AOPEP: variants seen among roughly 807,000 people sequenced by gnomAD.
The protein encoded by AOPEP is aminopeptidase O.
A neutral mutation model predicts 98.1 loss-of-function variants in AOPEP; 77 were observed. The ratio of observed to expected loss-of-function variants is 0.78; its 90% confidence interval spans 0.65 to 0.95. The LOEUF is 0.95. Ranked by LOEUF, AOPEP falls within the 40% of genes least tolerant of loss-of-function variation. AOPEP has a pLI of 0.00. For missense variants in AOPEP, 1,024 were observed against 1,024.7 expected (o/e 1.00, Z 0.01); for synonymous variants, 346 against 365.3 (o/e 0.95, Z 0.60).
intron 13 of AOPEP, chr9:95,006,143 C>T (rs985878104): frequency 2.1e-6 from 1 of 468,854 alleles, no homozygotes; most frequent in Non-Finnish European, 4.4e-6. Context: ...TGTTACTTTG[C>T]AGAAGTTTGG....
At chr9:94,928,719 A>G (rs2054781984) in intron 7 of AOPEP, 188 bp downstream of exon 7, 1 of 525,430 alleles carries the variant, frequency 1.9e-6, no homozygotes, top group African/African-American at 2.0e-5. Flanking sequence ...GCCTTCCGTC[A>G]TTTTCCTGGT....
chr9:95,040,663 C>T (rs1308548518), intron 13 of AOPEP, among the ~76,000 whole-genome samples: 1 of 152,228 alleles, frequency 6.6e-6, no homozygotes, highest in Non-Finnish European at 1.5e-5. Context: ...ACGCCTATTG[C>T]TGATGGGCAT....
At position 95,005,544 on chromosome 9, in the gene AOPEP, C is replaced by G. The variant is rs765490685; in HGVS notation, c.2043C>G (p.Val681=). The G allele has an allele frequency of 6.2e-7, 1 of 1,613,764 alleles. No homozygotes were observed. The change falls in exon 13 of 17, where the codon GTC becomes GTG. Residue 681 remains valine (V), a splice_region_variant and synonymous_variant. Coordinates refer to ENST00000375315, the MANE Select transcript of AOPEP (RefSeq NM_001193329.3). The part of the protein sequence containing the change: ...CGLARQVRAE[V]TKWIGVNRRP... ...ATGCTGTGGTTTTTGAACCTCAGGT[C>G]ACGAAATGGATTGGAGTGAACCGGA...
At chr9:95,030,401 C>T (rs1175942860) in intron 13 of AOPEP, among the ~76,000 whole-genome samples, 2 of 152,142 alleles carry the variant, frequency 1.3e-5, no homozygotes, top group African/African-American at 2.4e-5. Flanking sequence ...ATGTACATTT[C>T]ATAAAAAGCA....
chr9:95,127,962 G>A, the AOPEP span, among the ~76,000 whole-genome samples: 1 of 152,214 alleles, frequency 6.6e-6, no homozygotes, highest in Non-Finnish European at 1.5e-5. Flanking sequence ...AATAATCTAT[G>A]CTCCCTCATC....
intron 10 of AOPEP, among the ~76,000 whole-genome samples, chr9:94,969,176 G>A (rs963185510): frequency 1.3e-5 from 2 of 151,932 alleles, no homozygotes; most frequent in Non-Finnish European, 2.9e-5. Flanking sequence ...GATGGAATTA[G>A]GCCCATCTGG....
At chr9:94,810,642 G>A (rs762596663) in intron 5 of AOPEP, among the ~76,000 whole-genome samples, 1 of 151,944 alleles carries the variant, frequency 6.6e-6, no homozygotes, top group Non-Finnish European at 1.5e-5. Context: ...TTTCAACAAG[G>A]CATGGGGGTG....
At chr9:94,988,871 A>T (rs2060683860) in intron 11 of AOPEP, among the ~76,000 whole-genome samples, 1 of 151,356 alleles carries the variant, frequency 6.6e-6, no homozygotes, top group South Asian at 2.1e-4. Flanking sequence ...ATTATCTCAT[A>T]TTCTGAAATA....
At position 94,757,709 on chromosome 9, in the gene AOPEP, C is replaced by T. The variant is rs111408919; in HGVS notation, c.-135-1940C>T. Among the ~76,000 whole-genome samples the T allele has an allele frequency of 2.6e-3, 391 of 152,268 alleles. 3 individuals carry two copies. In the Middle Eastern group the frequency reaches 0.031, roughly 12 times the overall value. On this transcript the variant is annotated intron_variant, in intron 1 of 16. Transcript: ENST00000375315. The stretch of plus-strand genomic sequence containing the variant: ...ATAGTTTAGCCAGCCACTAAATTGA[C>T]CCTTGTCTCAGCTGATGCTGGTTTT...
At chr9:94,783,668 A>G (rs1843769336) in intron 3 of AOPEP, among the ~76,000 whole-genome samples, 1 of 152,080 alleles carries the variant, frequency 6.6e-6, no homozygotes, top group African/African-American at 2.4e-5. Context: ...TGAATGTATT[A>G]TATTTATTGT....
intron 2 of AOPEP, among the ~76,000 whole-genome samples, chr9:94,761,643 A>G (rs1365408019): frequency 1.3e-5 from 2 of 152,144 alleles, no homozygotes; most frequent in African/African-American, 2.4e-5. Context: ...AGCTCTAATT[A>G]TTCATTCCTT....
At chr9:94,784,476 AATT>A (rs984165287) in intron 3 of AOPEP, among the ~76,000 whole-genome samples, 2 of 152,174 alleles carry the variant, frequency 1.3e-5, no homozygotes, top group Non-Finnish European at 2.9e-5. Flanking sequence ...CTTCACTGAG[AATT>A]ATTCTTCCTC....
At chr9:95,062,350 C>T (rs1289147150) in intron 14 of AOPEP, among the ~76,000 whole-genome samples, 1 of 152,160 alleles carries the variant, frequency 6.6e-6, no homozygotes, top group Non-Finnish European at 1.5e-5. Context: ...GAAAGGCTTC[C>T]CTTGCTCTAC....
intron 10 of AOPEP, among the ~76,000 whole-genome samples, chr9:94,973,438 G>T (rs2059648294): frequency 6.6e-6 from 1 of 152,188 alleles, no homozygotes; most frequent in South Asian, 2.1e-4. Flanking sequence ...TGAACAATTG[G>T]TTACTTTCTG....
At chr9:95,006,035 A>G (rs769466866) in intron 13 of AOPEP, 5 of 473,758 alleles carry the variant, frequency 1.1e-5, no homozygotes, top group Non-Finnish European at 2.2e-5. Context: ...ATAGAGAGAG[A>G]AGAAGAAAGA....
At chr9:95,005,727 T>C in intron 13 of AOPEP, 111 bp downstream of exon 13, 1 of 807,222 alleles carries the variant, frequency 1.2e-6, no homozygotes, top group Non-Finnish European at 2.1e-6. Flanking sequence ...GTTTTTGTTA[T>C]AATAAACCAT....
intron 13 of AOPEP, among the ~76,000 whole-genome samples, chr9:95,032,882 A>C (rs188963606): frequency 6.6e-6 from 1 of 152,282 alleles, no homozygotes; most frequent in African/African-American, 2.4e-5. Flanking sequence ...TGACCAGGCT[A>C]TGTGATGGGC....
At chr9:94,774,721 A>T (rs935903870) in intron 3 of AOPEP, among the ~76,000 whole-genome samples, 4 of 152,224 alleles carry the variant, frequency 2.6e-5, no homozygotes, top group African/African-American at 9.6e-5. Context: ...ATATAAAATT[A>T]GAATTACTGA....
At chr9:94,921,436 T>C (rs893361284) in intron 5 of AOPEP, 15 of 152,230 alleles carry the variant, frequency 9.9e-5, no homozygotes, top group Non-Finnish European at 1.9e-4. Flanking sequence ...ATATTATTCC[T>C]TGAAGTGAGC....
Sources: gnomAD v4.1 joint callset for allele counts (sites outside exome capture counted in the v4.1 genomes callset) on GRCh38, gnomAD v4.1.1 for gene constraint, MANE v1.5 for transcripts, NCBI Gene and HGNC (gene_info 2026-07-23, HGNC 2026-07-21) for gene names.